TNRC6B: variants seen among roughly 807,000 people sequenced by gnomAD.
TNRC6B encodes trinucleotide repeat-containing gene 6B protein.
TNRC6B carries 52 observed loss-of-function variants against 203.6 expected under a neutral mutation model. The ratio of observed to expected loss-of-function variants is 0.26; its 90% CI spans 0.20 to 0.32. The LOEUF is 0.32. Among genes scored for constraint, TNRC6B ranks in the 10% least tolerant of loss-of-function variants. The pLI, the probability that TNRC6B is intolerant of heterozygous loss-of-function variation, is 1.00. For missense variants in TNRC6B, 1,923 were observed against 2,286.2 expected (o/e 0.84, Z 3.24); for synonymous variants, 838 against 845.7 (o/e 0.99, Z 0.16).
intron 1 of TNRC6B, among the ~76,000 whole-genome samples, chr22:40,056,402 G>A (rs1480215606): frequency 1.3e-5 from 2 of 152,218 alleles, no homozygotes; most frequent in African/African-American, 4.8e-5. Flanking sequence ...TAGGGAGAAT[G>A]GTAGTAATGA....
intron 12 of TNRC6B, among the ~76,000 whole-genome samples, chr22:40,298,089 C>T (rs2070969650): frequency 6.6e-6 from 1 of 151,898 alleles, no homozygotes; most frequent in East Asian, 1.9e-4. Context: ...TGCGCCACTG[C>T]ACTCCAGCCT....
At chr22:40,159,101 T>TTG (rs2068847603) in intron 4 of TNRC6B, among the ~76,000 whole-genome samples, 1 of 151,476 alleles carries the variant, frequency 6.6e-6, no homozygotes, top group South Asian at 2.1e-4. Flanking sequence ...TAGCTGGGAC[T>TTG]ACAGGCGCCC....
chr22:40,096,493 A>T (rs73424224), intron 1 of TNRC6B, among the ~76,000 whole-genome samples: 4,792 of 152,224 alleles, frequency 0.031, 262 homozygotes, highest in African/African-American at 0.11. Flanking sequence ...CAGCAACATG[A>T]GTCTGGGCTT....
intron 1 of TNRC6B, among the ~76,000 whole-genome samples, chr22:40,211,833 A>G (rs762865027): frequency 6.6e-6 from 1 of 152,132 alleles, no homozygotes; most frequent in African/African-American, 2.4e-5. Flanking sequence ...GGGAGGGGGA[A>G]CCCTGTGCCC....
intron 3 of TNRC6B, among the ~76,000 whole-genome samples, chr22:40,152,164 A>T (rs113983428): frequency 6.6e-6 from 1 of 152,162 alleles, no homozygotes; most frequent in African/African-American, 2.4e-5. Context: ...CTTTCTTACC[A>T]CTATAAAAAT....
intron 20 of TNRC6B, 21 bp downstream of exon 20, chr22:40,315,528 G>C (rs746677966): frequency 1.2e-6 from 2 of 1,610,926 alleles, no homozygotes; most frequent in African/African-American, 2.7e-5. Context: ...TCTGCCTAAA[G>C]GAACACCATT....
intron 1 of TNRC6B, among the ~76,000 whole-genome samples, chr22:40,202,266 T>TG (rs954902868): frequency 1.4e-5 from 1 of 72,028 alleles, no homozygotes; most frequent in Non-Finnish European, 2.5e-5. Flanking sequence ...TTTTGTTTTT[T>TG]TTTTTTTTGC....
intron 1 of TNRC6B, among the ~76,000 whole-genome samples, chr22:40,097,449 G>A (rs1450462093): frequency 1.3e-5 from 2 of 152,018 alleles, no homozygotes; most frequent in Non-Finnish European, 2.9e-5. Flanking sequence ...AGGACTACAC[G>A]TGGGTGCCAC....
At chr22:40,201,069 G>A (rs2069406235) in intron 1 of TNRC6B, among the ~76,000 whole-genome samples, 2 of 152,218 alleles carry the variant, frequency 1.3e-5, no homozygotes. Context: ...TGCTATACTT[G>A]TGGGTGGCAC....
rs2070103112 is a variant in TNRC6B, at chr22:40,246,091, G to A, written c.82G>A (p.Ala28Thr). Residue 28 changes from alanine to threonine, a missense_variant, in exon 2 of 23, where the codon GCC (alanine) becomes ACC (threonine). Ala to Thr is a moderately conservative substitution (Grantham distance 58). This residue lies in a region of TNRC6B where 111 missense variants were observed against 155.3 expected (regional missense o/e 0.71). Transcript: ENST00000454349. ...RKKEDKKKKE[A>T]TQKVTEQKTK... ...GAAAGAGGATAAAAAGAAAAAAGAA[G>A]CCACTCAGAAGGTAGGTTTAATCAG... The A allele has an allele frequency of 4.5e-6, 7 of 1,548,668 alleles. No individual in the cohort carries two copies. Among genetic ancestry groups the A allele is most frequent in the Non-Finnish European group, 6.1e-6 (7 of 1,145,804 alleles).
chr22:40,081,307 G>GTTTT lies in TNRC6B; in HGVS notation c.-120-35731_-120-35728dup, dbSNP rs34140652. On this transcript the variant is annotated intron_variant, in intron 1 of 23. Transcript: ENST00000301923. ...ATGATATTCCTTTAAGTGTCTGCGT[G>GTTTT]TTTTTTTTTTTTTTTTTTTTGCACA... Among the ~76,000 whole-genome samples, 956 of 101,436 alleles carry GTTTT rather than the reference G, an allele frequency of 9.4e-3. 32 individuals carry two copies. Among genetic ancestry groups the GTTTT allele is most frequent in the African/African-American group, 0.032 (866 of 27,422 alleles). 66.5% of individuals were successfully genotyped at this position (101,436 alleles called of 152,430 possible). A position where few individuals can be genotyped will look rare whatever the true frequency, so the allele number is the denominator to read the frequency against.
chr22:40,080,619 C>T (rs924540548), intron 1 of TNRC6B, among the ~76,000 whole-genome samples: 2 of 152,142 alleles, frequency 1.3e-5, no homozygotes, highest in Non-Finnish European at 2.9e-5. Context: ...TTCAAATTCT[C>T]ACAGTTCCCC....
chr22:40,124,423 A>C (rs1354100398), intron 2 of TNRC6B, among the ~76,000 whole-genome samples: 1 of 151,022 alleles, frequency 6.6e-6, no homozygotes, highest in Non-Finnish European at 1.5e-5. Context: ...CCTGGACTCA[A>C]CCAGTCCTCC....
chr22:40,090,950 A>C (rs950915950), intron 1 of TNRC6B, among the ~76,000 whole-genome samples: 6 of 152,218 alleles, frequency 3.9e-5, no homozygotes, highest in Non-Finnish European at 7.3e-5. Context: ...GACTCTCTTC[A>C]TCCAATGATG....
chr22:40,291,934 T>C (rs1167627613), intron 12 of TNRC6B, among the ~76,000 whole-genome samples: 1 of 152,262 alleles, frequency 6.6e-6, no homozygotes, highest in Non-Finnish European at 1.5e-5. Context: ...GGCCCATGCC[T>C]GTAATCCCAG....
chr22:40,306,576 G>C (rs1009531954), intron 15 of TNRC6B, among the ~76,000 whole-genome samples: 1 of 152,158 alleles, frequency 6.6e-6, no homozygotes, highest in Non-Finnish European at 1.5e-5. Flanking sequence ...GGCCATTAAG[G>C]CTATGTCAGA....
chr22:40,060,243 A>G (rs2067838701), intron 1 of TNRC6B, among the ~76,000 whole-genome samples: 1 of 150,574 alleles, frequency 6.6e-6, no homozygotes, highest in Non-Finnish European at 1.5e-5. Flanking sequence ...TTTTTTGACA[A>G]AAAGTCTCAC....
chr22:40,256,610 CAT>C (rs1483457716), intron 3 of TNRC6B, among the ~76,000 whole-genome samples: 1 of 152,196 alleles, frequency 6.6e-6, no homozygotes, highest in South Asian at 2.1e-4. Flanking sequence ...CAGCCACACT[CAT>C]ATGTTTACAC....
At chr22:40,312,056 G>T (rs371904130) in intron 17 of TNRC6B, among the ~76,000 whole-genome samples, 1 of 152,222 alleles carries the variant, frequency 6.6e-6, no homozygotes, top group Admixed American at 6.5e-5. Flanking sequence ...GACATTCTGT[G>T]TAGCAGTATC....
Sources: allele counts gnomAD v4.1 joint callset (sites outside exome capture counted in the v4.1 genomes callset), GRCh38; gene constraint gnomAD v4.1.1; regional missense constraint gnomAD v4.1.1; transcripts MANE v1.5; gene names NCBI Gene and HGNC (gene_info 2026-07-23, HGNC 2026-07-21).